EYA1: variants seen among roughly 807,000 people sequenced by gnomAD.
EYA1 encodes the protein EYA transcriptional coactivator and phosphatase 1.
Under a neutral mutation model 82.0 loss-of-function variants are expected in EYA1, and 16 were observed. That is an observed-to-expected ratio of 0.20 (90% CI 0.13 to 0.30). The LOEUF (loss-of-function observed/expected upper bound fraction) is 0.30, where lower values mean the gene tolerates loss of function less well. EYA1 is among the 10% of genes least tolerant of loss of function. The pLI is 1.00. For synonymous variants in EYA1, 261 were observed against 264.4 expected, an observed-to-expected ratio of 0.99 and a Z score of 0.12; for missense variants, 633 against 730.7, an observed-to-expected ratio of 0.87 and a Z score of 1.54.
intron 4 of EYA1, among the ~76,000 whole-genome samples, chr8:71,331,458 A>C (rs931049083): frequency 6.8e-6 from 1 of 147,692 alleles, no homozygotes; most frequent in African/African-American, 2.5e-5. Context: ...CTTGGACTTT[A>C]AAAGTATTAC....
chr8:71,530,352 G>C (rs1225795075), intron 2 of EYA1, among the ~76,000 whole-genome samples: 2 of 152,114 alleles, frequency 1.3e-5, no homozygotes, highest in African/African-American at 4.8e-5. Context: ...GTTGAATTTG[G>C]ACTTCTAGCC....
chr8:71,341,214 A>G (rs1176481123), intron 3 of EYA1, among the ~76,000 whole-genome samples: 4 of 152,216 alleles, frequency 2.6e-5, no homozygotes, highest in African/African-American at 9.6e-5. Context: ...CATGACCCAC[A>G]AAAGTAAATG....
intron 2 of EYA1, among the ~76,000 whole-genome samples, chr8:71,367,402 G>A (rs939666048): frequency 5.3e-5 from 8 of 152,136 alleles, no homozygotes; most frequent in African/African-American, 9.6e-5. Context: ...TGGATGTATG[G>A]TTTAAGTATT....
intron 2 of EYA1, among the ~76,000 whole-genome samples, chr8:71,467,185 T>C (rs1426679592): frequency 6.6e-6 from 1 of 152,044 alleles, no homozygotes; most frequent in African/African-American, 2.4e-5. Context: ...ATACATTATT[T>C]TAAAAAATAG....
At chr8:71,222,172 T>TGAG (rs1260119620) in intron 12 of EYA1, among the ~76,000 whole-genome samples, 6 of 152,190 alleles carry the variant, frequency 3.9e-5, no homozygotes, top group Non-Finnish European at 8.8e-5. Context: ...TTCTTTCTTC[T>TGAG]GAGGAGGTAA....
At chr8:71,468,348 CA>C (rs1263884071) in intron 2 of EYA1, among the ~76,000 whole-genome samples, 1 of 152,110 alleles carries the variant, frequency 6.6e-6, no homozygotes, top group Non-Finnish European at 1.5e-5. Context: ...TTTCTAGGCA[CA>C]CCAGCTTTGC....
upstream of EYA1, among the ~76,000 whole-genome samples, chr8:71,366,263 G>A (rs1381088650): frequency 1.3e-5 from 2 of 151,932 alleles, no homozygotes; most frequent in Non-Finnish European, 2.9e-5. Context: ...TAATGCAGGT[G>A]CTTAAAAAAA....
chr8:71,333,318 T>C (rs1350226837), intron 4 of EYA1, among the ~76,000 whole-genome samples: 1 of 152,196 alleles, frequency 6.6e-6, no homozygotes, highest in African/African-American at 2.4e-5. Context: ...AAATAAATGA[T>C]CCAGAGAGCT....
At chr8:71,356,626 A>G in intron 1 of EYA1, 115 bp from the exon 2 acceptor site, 2 of 1,420,794 alleles carry the variant, frequency 1.4e-6, no homozygotes, top group Middle Eastern at 1.8e-4. Context: ...CCAAAAGAGA[A>G]AAAGGAGGAT....
intron 2 of EYA1, among the ~76,000 whole-genome samples, chr8:71,530,521 A>G (rs1814180446): frequency 6.6e-6 from 1 of 152,240 alleles, no homozygotes; most frequent in African/African-American, 2.4e-5. Context: ...TTTATATTTA[A>G]GTTATCTAAA....
chr8:71,292,252 G>A (rs1819086049), intron 9 of EYA1, among the ~76,000 whole-genome samples: 1 of 152,046 alleles, frequency 6.6e-6, no homozygotes, highest in Non-Finnish European at 1.5e-5. Context: ...GCTAGGGGAT[G>A]ATAAAATGCT....
chr8:71,381,907 G>T (rs78057154), intron 2 of EYA1, among the ~76,000 whole-genome samples: 1 of 152,162 alleles, frequency 6.6e-6, no homozygotes, highest in African/African-American at 2.4e-5. Flanking sequence ...ATTAAAAAAA[G>T]CACTTTGTAT....
At chr8:71,490,907 G>A (rs1360609912) in intron 2 of EYA1, among the ~76,000 whole-genome samples, 2 of 152,180 alleles carry the variant, frequency 1.3e-5, no homozygotes, top group African/African-American at 4.8e-5. Flanking sequence ...GTTAAAAGGT[G>A]TGAGGAAGCT....
chr8:71,344,771 T>TTC (rs1825528201), intron 3 of EYA1, among the ~76,000 whole-genome samples: 1 of 152,148 alleles, frequency 6.6e-6, no homozygotes, highest in East Asian at 1.9e-4. Flanking sequence ...GGTGGTAAAA[T>TTC]AAACTAGTGC....
At chr8:71,257,843 T>C (rs541993589) in intron 11 of EYA1, among the ~76,000 whole-genome samples, 13 of 152,334 alleles carry the variant, frequency 8.5e-5, no homozygotes, top group Admixed American at 5.2e-4. Context: ...AAACATTTCA[T>C]TTAAGGCTCC....
At chr8:71,214,691 A>G (rs1808956209) in intron 16 of EYA1, among the ~76,000 whole-genome samples, 1 of 152,174 alleles carries the variant, frequency 6.6e-6, no homozygotes, top group Non-Finnish European at 1.5e-5. Flanking sequence ...AAGATTATAA[A>G]GATTGACTTT....
intron 2 of EYA1, among the ~76,000 whole-genome samples, chr8:71,408,471 G>A (rs372304696): frequency 0.28 from 28,921 of 104,270 alleles, 6,536 homozygotes; most frequent in Non-Finnish European, 0.38. Context: ...CTGTATTCAG[G>A]AAACCCATCT....
At chr8:71,325,518 G>A (rs1486382339) in intron 4 of EYA1, among the ~76,000 whole-genome samples, 1 of 152,158 alleles carries the variant, frequency 6.6e-6, no homozygotes, top group Non-Finnish European at 1.5e-5. Context: ...CACACTATTT[G>A]TTTAAAAAGA....
intron 17 of EYA1, among the ~76,000 whole-genome samples, chr8:71,209,744 G>A (rs557183336): frequency 6.6e-6 from 1 of 152,192 alleles, no homozygotes; most frequent in African/African-American, 2.4e-5. Flanking sequence ...GGATTCCTAT[G>A]AGGGAGTGTG....
Sources: gnomAD v4.1 joint callset for allele counts (sites outside exome capture counted in the v4.1 genomes callset) on GRCh38, gnomAD v4.1.1 for gene constraint, MANE v1.5 for transcripts, NCBI Gene and HGNC (gene_info 2026-07-23, HGNC 2026-07-21) for gene names.